PKP4: variants seen among roughly 807,000 people sequenced by gnomAD.
PKP4 encodes plakophilin 4.
In PKP4, 90 loss-of-function variants were observed where a neutral mutation model predicts 145.1. That is an observed-to-expected ratio of 0.62 (90% CI 0.52 to 0.74). The LOEUF (loss-of-function observed/expected upper bound fraction) is 0.74. Among genes scored for constraint, PKP4 ranks in the 30% least tolerant of loss-of-function variants. The pLI is 0.00. For synonymous variants in PKP4, 563 were observed against 577.2 expected (o/e 0.98, Z 0.35); for missense variants, 1,340 against 1,482.7 (o/e 0.90, Z 1.58).
intron 2 of PKP4, among the ~76,000 whole-genome samples, chr2:158,556,520 TCTC>T (rs1364325254): frequency 5.5e-5 from 3 of 54,082 alleles, no homozygotes; most frequent in South Asian, 1.0e-3. Context: ...TGGCTCTTTC[TCTC>T]TTTTTTTTTT....
chr2:158,522,865 G>T (rs1399305566), intron 1 of PKP4, among the ~76,000 whole-genome samples: 4 of 152,324 alleles, frequency 2.6e-5, no homozygotes, highest in Middle Eastern at 6.8e-3. Flanking sequence ...AAAGAAAGGG[G>T]TGACGGACGC....
intron 2 of PKP4, among the ~76,000 whole-genome samples, chr2:158,576,999 TGAA>T (rs967511372): frequency 2.6e-4 from 40 of 152,324 alleles, no homozygotes; most frequent in African/African-American, 9.4e-4. Context: ...AAGTACTGTT[TGAA>T]GACCTCAGAA....
Position 158,676,689 on chromosome 2 carries a change from T to G in PKP4, c.3128-50T>G, listed in dbSNP as rs375862478. 1.9e-6 allele frequency: 3 copies of G among 1,610,244 alleles called. No individual in the cohort carries two copies. The East Asian group carries it at 6.7e-5, about 36-fold the overall frequency. ...GAGGATTTTCCACAGATACTGATGC[T>G]GATTTCTCTTTCTACCCCTCTTTCT... On this transcript the variant is annotated intron_variant, in intron 19 of 21. Coordinates refer to ENST00000389759, the MANE Select transcript of PKP4 (RefSeq NM_003628.6).
At chr2:158,554,674 G>C (rs577535111) in intron 2 of PKP4, among the ~76,000 whole-genome samples, 9 of 152,028 alleles carry the variant, frequency 5.9e-5, no homozygotes, top group Admixed American at 2.0e-4. Flanking sequence ...ATCCGCCTGC[G>C]TCAGCCTCCC....
At chr2:158,676,479 C>T (rs1022160347) in intron 19 of PKP4, among the ~76,000 whole-genome samples, 1 of 152,220 alleles carries the variant, frequency 6.6e-6, no homozygotes, top group South Asian at 2.1e-4. Flanking sequence ...TTTAGCCGGG[C>T]AGCTTGCCCT....
intron 2 of PKP4, among the ~76,000 whole-genome samples, chr2:158,561,666 G>C (rs2105738315): frequency 6.6e-6 from 1 of 152,340 alleles, no homozygotes; most frequent in South Asian, 2.1e-4. Flanking sequence ...CGACTTCCCA[G>C]GTTACATGAG....
intron 8 of PKP4, 98 bp from the exon 9 acceptor site, chr2:158,633,971 CA>C: frequency 4.5e-6 from 3 of 671,796 alleles, no homozygotes; most frequent in Non-Finnish European, 7.6e-6. Flanking sequence ...ATATAATTGC[CA>C]AAAAATATAG....
intron 2 of PKP4, among the ~76,000 whole-genome samples, chr2:158,558,670 G>C (rs1451062006): frequency 6.6e-6 from 1 of 152,120 alleles, no homozygotes; most frequent in East Asian, 1.9e-4. Flanking sequence ...CTTGAAATAA[G>C]TGTGTCTGGA....
intron 3 of PKP4, among the ~76,000 whole-genome samples, chr2:158,592,306 C>G (rs1482954415): frequency 6.6e-6 from 1 of 151,970 alleles, no homozygotes; most frequent in Non-Finnish European, 1.5e-5. Context: ...ATCCAGATGT[C>G]TTACTACATA....
At chr2:158,544,896 A>G (rs1015886453) in intron 2 of PKP4, among the ~76,000 whole-genome samples, 1 of 152,156 alleles carries the variant, frequency 6.6e-6, no homozygotes, top group African/African-American at 2.4e-5. Context: ...CTAGAGCTTA[A>G]TGAATGAAAG....
intron 11 of PKP4, among the ~76,000 whole-genome samples, chr2:158,646,455 C>A (rs913782091): frequency 6.6e-6 from 1 of 152,098 alleles, no homozygotes; most frequent in Non-Finnish European, 1.5e-5. Context: ...TAACATGAAA[C>A]AAGTCACAAT....
chr2:158,482,171 G>A (rs1211510690), intron 1 of PKP4, among the ~76,000 whole-genome samples: 2 of 152,208 alleles, frequency 1.3e-5, no homozygotes, highest in Non-Finnish European at 1.5e-5. Flanking sequence ...CAGTAGCCAC[G>A]TATAGCTAGT....
chr2:158,676,600 CCT>C (rs1298233720), intron 19 of PKP4, 137 bp from the exon 20 acceptor site: 31 of 1,024,150 alleles, frequency 3.0e-5, no homozygotes, highest in Non-Finnish European at 4.3e-5. Flanking sequence ...ACTCCCAGCA[CCT>C]CTGAGATATT....
chr2:158,653,292 A>G (rs1003927271), intron 11 of PKP4, among the ~76,000 whole-genome samples: 10 of 152,204 alleles, frequency 6.6e-5, no homozygotes, highest in Middle Eastern at 6.3e-3. Flanking sequence ...AATAGTTGCT[A>G]TTATTTTAAT....
chr2:158,552,783 T>G (rs1447135438), intron 2 of PKP4, among the ~76,000 whole-genome samples: 4 of 152,198 alleles, frequency 2.6e-5, no homozygotes, highest in Non-Finnish European at 5.9e-5. Context: ...TTACCTTATG[T>G]CTAAAAACCA....
Position 158,480,015 on chromosome 2 carries a change from C to T in PKP4, c.-6+22797C>T, listed in dbSNP as rs544328505. ...ATATCAGAAAGGGGAGATTCATCTT[C>T]TTAGACGTTGATTCTGAACTGCTAC... On this transcript the variant is annotated intron_variant, in intron 1 of 21. Coordinates refer to ENST00000389759, the MANE Select transcript of PKP4 (RefSeq NM_003628.6). Among the ~76,000 whole-genome samples the T allele has an allele frequency of 3.5e-4, 53 of 152,312 alleles. 1 individual carries two copies. The South Asian group carries it at 0.011, about 30-fold the overall frequency.
intron 2 of PKP4, among the ~76,000 whole-genome samples, chr2:158,536,340 T>C (rs927843261): frequency 6.6e-6 from 1 of 152,228 alleles, no homozygotes; most frequent in Non-Finnish European, 1.5e-5. Flanking sequence ...TGCTAATTTA[T>C]TGCAACCCCA....
At chr2:158,477,675 A>C (rs1325906619) in intron 1 of PKP4, among the ~76,000 whole-genome samples, 1 of 152,172 alleles carries the variant, frequency 6.6e-6, no homozygotes, top group Non-Finnish European at 1.5e-5. Flanking sequence ...TGGCAACAAT[A>C]TCCTGGTTTA....
intron 1 of PKP4, among the ~76,000 whole-genome samples, chr2:158,506,119 G>A (rs1287156861): frequency 6.6e-6 from 1 of 152,240 alleles, no homozygotes; most frequent in Non-Finnish European, 1.5e-5. Flanking sequence ...CTTCAGAATT[G>A]TGTTGCTTTG....
Sources: allele counts gnomAD v4.1 joint callset (sites outside exome capture counted in the v4.1 genomes callset), GRCh38; gene constraint gnomAD v4.1.1; transcripts MANE v1.5; gene names NCBI Gene and HGNC (gene_info 2026-07-23, HGNC 2026-07-21).